CSE1L: variants seen among roughly 807,000 people sequenced by gnomAD.
The protein encoded by CSE1L is exportin-2.
A neutral mutation model predicts 120.4 loss-of-function variants in CSE1L; 24 were observed. The ratio of observed to expected loss-of-function variants is 0.20; its 90% confidence interval spans 0.14 to 0.28. CSE1L has a LOEUF of 0.28. CSE1L is among the 10% of genes least tolerant of loss of function. CSE1L has a pLI of 1.00. For missense variants in CSE1L, 830 were observed against 1,145.2 expected (o/e 0.72, Z 3.97); for synonymous variants, 402 against 398.3 (o/e 1.01, Z -0.11).
chr20:49,048,834 T>G (rs1488567467), intron 1 of CSE1L, among the ~76,000 whole-genome samples: 2 of 152,164 alleles, frequency 1.3e-5, no homozygotes, highest in Non-Finnish European at 2.9e-5. Context: ...TGCCAGATAG[T>G]TTTCATTCAT....
rs560646890 is a variant in CSE1L, at chr20:49,085,518, A to C, written c.1723+132A>C. ...TTTACCAAGTAGTAAGTTAGTTTAG[A>C]TATTTCAAAATGAAAAACATTATCT... On this transcript the variant is annotated intron_variant, in intron 16 of 24. Coordinates refer to ENST00000262982, the MANE Select transcript of CSE1L (RefSeq NM_001316.4). The C allele has an allele frequency of 2.8e-5, 12 of 433,468 alleles. No homozygotes were observed. In the South Asian group the frequency reaches 4.7e-4, roughly 17 times the overall value. 26.9% of individuals were successfully genotyped at this position (433,468 alleles called of 1,614,324 possible).
chr20:49,063,140 T>C, intron 2 of CSE1L, 62 bp from the exon 3 acceptor site: 1 of 841,754 alleles, frequency 1.2e-6, no homozygotes, highest in Non-Finnish European at 1.7e-6. Context: ...ATATATATAT[T>C]TGATATATAT....
rs147510807 is a variant in CSE1L at position 49,077,833 on chromosome 20, G to T, written c.1421-728G>T. Among the ~76,000 whole-genome samples, 8 of 152,120 alleles carry T rather than the reference G, an allele frequency of 5.3e-5. 1 individual carries two copies. The highest frequency in any genetic ancestry group is 1.9e-4 in the African/African-American group (8 of 41,512). Reference sequence around the variant, plus strand: ...AGCCTGGTCAAAATGGTGAAACCCCGTCTCTACTAAGAATACAAAAACTAG... The same window carrying T: ...AGCCTGGTCAAAATGGTGAAACCCCTTCTCTACTAAGAATACAAAAACTAG... On this transcript the variant is annotated intron_variant, in intron 13 of 24. Transcript: ENST00000262982.
Position 49,096,606 on chromosome 20 carries a change from G to T in CSE1L, c.*168G>T. ...AACCTGAACCTTGAGCAAATTAGTTGGTTTGTGTGATCATACAGTTATGTG... is the reference window on the plus strand; with the variant it reads ...AACCTGAACCTTGAGCAAATTAGTTTGTTTGTGTGATCATACAGTTATGTG... On this transcript the variant is annotated 3_prime_UTR_variant, in exon 25 of 25. Coordinates refer to ENST00000262982, the MANE Select transcript of CSE1L (RefSeq NM_001316.4). 1 of 622,362 alleles carries T rather than the reference G, an allele frequency of 1.6e-6. No homozygotes were observed. 38.6% of individuals were successfully genotyped at this position (622,362 alleles called of 1,614,324 possible). A position where few individuals can be genotyped will look rare whatever the true frequency, so the allele number is the denominator to read the frequency against.
At chr20:49,065,586 A>ATTTT (rs1169151375) in intron 3 of CSE1L, among the ~76,000 whole-genome samples, 8,393 of 76,252 alleles carry the variant, frequency 0.11, 925 homozygotes, top group Non-Finnish European at 0.13. Flanking sequence ...TAAAATGGAA[A>ATTTT]TTTTTTTTTT....
At chr20:49,085,478 A>T in intron 16 of CSE1L, 92 bp downstream of exon 16, 1 of 755,224 alleles carries the variant, frequency 1.3e-6, no homozygotes, top group East Asian at 2.8e-5. Context: ...TATACAGTCT[A>T]TGAACCAGAT....
At chr20:49,073,165 C>T (rs2091945221) in intron 10 of CSE1L, among the ~76,000 whole-genome samples, 1 of 152,066 alleles carries the variant, frequency 6.6e-6, no homozygotes, top group Admixed American at 6.5e-5. Flanking sequence ...GCACACATCA[C>T]CATGCCTGGC....
At chr20:49,049,017 G>A (rs2091743800) in intron 1 of CSE1L, among the ~76,000 whole-genome samples, 1 of 152,172 alleles carries the variant, frequency 6.6e-6, no homozygotes, top group African/African-American at 2.4e-5. Context: ...GTAATTGAGG[G>A]CCTGTGGGAA....
chr20:49,060,775 CAAAA>C (rs3092475), intron 2 of CSE1L, among the ~76,000 whole-genome samples: 1 of 136,776 alleles, frequency 7.3e-6, no homozygotes, highest in East Asian at 2.0e-4. Context: ...GACTTTGTCT[CAAAA>C]AAAAAAAAAA....
chr20:49,068,171 A>G (rs1455382339), intron 6 of CSE1L, among the ~76,000 whole-genome samples: 1 of 152,098 alleles, frequency 6.6e-6, no homozygotes, highest in African/African-American at 2.4e-5. Flanking sequence ...ATATATTTTT[A>G]TATATGCACA....
At chr20:49,094,657 C>G (rs1434514081) in intron 23 of CSE1L, 75 bp from the exon 24 acceptor site, 2 of 982,758 alleles carry the variant, frequency 2.0e-6, no homozygotes, top group East Asian at 2.4e-5. Flanking sequence ...AATTTTGTGT[C>G]TCTGAGCAAT....
chr20:49,053,347 C>CTTTTTTTT (rs11419181), intron 1 of CSE1L, among the ~76,000 whole-genome samples: 2 of 63,750 alleles, frequency 3.1e-5, no homozygotes, highest in Admixed American at 2.4e-4. Flanking sequence ...AGCAAACTAA[C>CTTTTTTTT]TTTTTTTTTT....
intron 12 of CSE1L, among the ~76,000 whole-genome samples, chr20:49,076,518 C>T (rs1337193199): frequency 7.7e-6 from 1 of 129,226 alleles, no homozygotes. Flanking sequence ...GTCCCTCTCT[C>T]TCTTTTTTTT....
At chr20:49,095,077 C>T in intron 24 of CSE1L, 114 bp downstream of exon 24, 1 of 796,716 alleles carries the variant, frequency 1.3e-6, no homozygotes, top group Non-Finnish European at 2.1e-6. Context: ...AACTAAATCT[C>T]ATTGAGTTAC....
chr20:49,064,812 C>T (rs1302712189), intron 3 of CSE1L, among the ~76,000 whole-genome samples: 1 of 150,538 alleles, frequency 6.6e-6, no homozygotes, highest in Non-Finnish European at 1.5e-5. Context: ...AACAGAATCT[C>T]TTTGGGTGAT....
intron 1 of CSE1L, among the ~76,000 whole-genome samples, chr20:49,056,142 T>A (rs2091804887): frequency 6.6e-6 from 1 of 151,680 alleles, no homozygotes; most frequent in African/African-American, 2.4e-5. Context: ...AAAGTCTCGC[T>A]CTTTCTGAGG....
chr20:49,072,177 T>C, intron 8 of CSE1L, 109 bp from the exon 9 acceptor site: 1 of 1,173,592 alleles, frequency 8.5e-7, no homozygotes, highest in South Asian at 1.5e-5. Flanking sequence ...ATAACTGATT[T>C]GATTTGGATT....
intron 5 of CSE1L, 100 bp downstream of exon 5, chr20:49,066,610 T>C: frequency 9.3e-7 from 1 of 1,074,404 alleles, no homozygotes. Flanking sequence ...CCTTTGAATC[T>C]GATCATCTTG....
At chr20:49,075,618 GCCAGATA>G in intron 12 of CSE1L, 98 bp downstream of exon 12, 1 of 909,368 alleles carries the variant, frequency 1.1e-6, no homozygotes, top group Non-Finnish European at 1.7e-6. Flanking sequence ...AGCTTACTCT[GCCAGATA>G]ACCTATTCTG....
Sources: allele counts gnomAD v4.1 joint callset (sites outside exome capture counted in the v4.1 genomes callset), GRCh38; gene constraint gnomAD v4.1.1; transcripts MANE v1.5; gene names NCBI Gene and HGNC (gene_info 2026-07-23, HGNC 2026-07-21).